EDIL3: variants seen among roughly 807,000 people sequenced by gnomAD.
The protein encoded by EDIL3 is EGF like and discoidin domains 3.
A neutral mutation model predicts 67.4 loss-of-function variants in EDIL3; 37 were observed. That is an observed-to-expected ratio of 0.55 (90% CI 0.42 to 0.72). The LOEUF is 0.72. Ranked by LOEUF, EDIL3 falls within the 30% of genes least tolerant of loss-of-function variation. The probability of loss-of-function intolerance (pLI) is 0.00; values close to 1 mark genes in which losing one functional copy is unlikely to be tolerated. For synonymous variants in EDIL3, 195 were observed against 196.3 expected (o/e 0.99, Z 0.05); for missense variants, 527 against 586.3 (o/e 0.90, Z 1.04).
At chr5:84,227,893 G>T (rs909015486) in intron 3 of EDIL3, among the ~76,000 whole-genome samples, 1 of 151,984 alleles carries the variant, frequency 6.6e-6, no homozygotes, top group Non-Finnish European at 1.5e-5. Flanking sequence ...ATGTAAACCT[G>T]GGAACAATAA....
intron 1 of EDIL3, among the ~76,000 whole-genome samples, chr5:84,344,860 G>T (rs1747205005): frequency 6.6e-6 from 1 of 151,958 alleles, no homozygotes; most frequent in Non-Finnish European, 1.5e-5. Context: ...CATGTACTCT[G>T]TCAAATGGTA....
At chr5:84,176,199 ATAT>A (rs1748903840) in intron 4 of EDIL3, among the ~76,000 whole-genome samples, 1 of 2,704 alleles carries the variant, frequency 3.7e-4, no homozygotes, top group African/African-American at 1.7e-3. Context: ...TATATATATA[ATAT>A]ATATATATAT....
chr5:84,314,012 A>G (rs1371977212), intron 1 of EDIL3, among the ~76,000 whole-genome samples: 1 of 152,058 alleles, frequency 6.6e-6, no homozygotes, highest in Non-Finnish European at 1.5e-5. Flanking sequence ...CCTGGACAAC[A>G]TGGCAAAACT....
chr5:84,224,526 AG>A (rs1441525818), intron 3 of EDIL3, among the ~76,000 whole-genome samples: 1 of 151,530 alleles, frequency 6.6e-6, no homozygotes, highest in African/African-American at 2.4e-5. Context: ...CTTAAATAAA[AG>A]CTAAATGAAA....
chr5:83,985,645 G>A lies in EDIL3; in HGVS notation c.1138-22285C>T, dbSNP rs192555786. ...TTCACAACTTACCTTTGTAAAATAA[G>A]TAAATTGGCCTTGATTTTATGTCTG... On this transcript the variant is annotated intron_variant, in intron 9 of 10. Coordinates refer to ENST00000296591, the MANE Select transcript of EDIL3 (RefSeq NM_005711.5). 3.1e-4 allele frequency among the ~76,000 whole-genome samples: 47 copies of A among 152,046 alleles called. No homozygotes were observed. The Middle Eastern group carries it at 0.01, about 33-fold the overall frequency.
rs73769731 is a variant in EDIL3, at chr5:84,121,546, T to G, written c.470-14716A>C. ...GTTCACTAACTTAGATCGATCTATC[T>G]ATCTATCTATCTATCTATCTATCTA... is the stretch of plus-strand genomic sequence containing the variant. On this transcript the variant is annotated intron_variant, in intron 5 of 10. Coordinates refer to ENST00000296591, the MANE Select transcript of EDIL3 (RefSeq NM_005711.5). Among the ~76,000 whole-genome samples the G allele has an allele frequency of 4.3e-3, 250 of 57,530 alleles. 2 individuals carry two copies. Among genetic ancestry groups the G allele is most frequent in the African/African-American group, 0.012 (220 of 18,052 alleles). The allele number at this position is 57,530 out of a possible 152,430, so 37.7% of individuals were successfully genotyped here. A position where few individuals can be genotyped will look rare whatever the true frequency, so the allele number is the denominator to read the frequency against.
intron 6 of EDIL3, among the ~76,000 whole-genome samples, chr5:84,101,203 A>T (rs994951435): frequency 2.4e-4 from 37 of 152,114 alleles, no homozygotes; most frequent in African/African-American, 8.9e-4. Flanking sequence ...AATACTGGTC[A>T]TAAAGAAATT....
chr5:83,948,973 C>G (rs549140859), intron 10 of EDIL3, among the ~76,000 whole-genome samples: 4 of 151,850 alleles, frequency 2.6e-5, no homozygotes, highest in Non-Finnish European at 4.4e-5. Context: ...AATAAGGAAA[C>G]AAGAAATTCA....
At chr5:84,162,173 T>G (rs956126396) in intron 4 of EDIL3, among the ~76,000 whole-genome samples, 4 of 152,096 alleles carry the variant, frequency 2.6e-5, no homozygotes, top group Non-Finnish European at 4.4e-5. Flanking sequence ...CAGACCATTC[T>G]GGGTTCTGGA....
At chr5:84,297,653 C>T (rs1746077531) in intron 1 of EDIL3, among the ~76,000 whole-genome samples, 1 of 152,132 alleles carries the variant, frequency 6.6e-6, no homozygotes, top group Non-Finnish European at 1.5e-5. Context: ...AGCCCCCGAG[C>T]TCTGGGAGCC....
chr5:84,267,065 TA>T (rs1745365916), intron 1 of EDIL3, among the ~76,000 whole-genome samples: 1 of 152,178 alleles, frequency 6.6e-6, no homozygotes, highest in Non-Finnish European at 1.5e-5. Context: ...CACAGAACAG[TA>T]AATGGTAAAG....
intron 4 of EDIL3, among the ~76,000 whole-genome samples, chr5:84,172,873 T>A (rs1405656953): frequency 6.6e-6 from 1 of 152,204 alleles, no homozygotes; most frequent in Non-Finnish European, 1.5e-5. Context: ...GCATGCTTTC[T>A]GCAGGCAGTG....
At chr5:83,970,846 T>C (rs1744779732) in intron 9 of EDIL3, among the ~76,000 whole-genome samples, 1 of 151,482 alleles carries the variant, frequency 6.6e-6, no homozygotes, top group African/African-American at 2.4e-5. Flanking sequence ...AGGTTTCTTG[T>C]ATTGCTTTGG....
At chr5:84,220,044 A>C (rs1479348078) in intron 3 of EDIL3, among the ~76,000 whole-genome samples, 1 of 152,136 alleles carries the variant, frequency 6.6e-6, no homozygotes, top group Non-Finnish European at 1.5e-5. Context: ...CTAAAGTTGG[A>C]TAGCACAGCA....
chr5:84,267,365 T>C (rs774210359), intron 1 of EDIL3, among the ~76,000 whole-genome samples: 4 of 152,234 alleles, frequency 2.6e-5, no homozygotes, highest in Non-Finnish European at 5.9e-5. Flanking sequence ...TTGCAGTTAT[T>C]AACATGGCTA....
In EDIL3 at chr5:83,942,545, CAT is replaced by C. The variant is rs1384402910; in HGVS notation, c.*872_*873del. 2 of 151,816 alleles carry C rather than the reference CAT, an allele frequency of 1.3e-5. No individual in the cohort carries two copies. Among genetic ancestry groups the C allele is most frequent in the Non-Finnish European group, 2.9e-5 (2 of 67,896 alleles). 9.4% of individuals were successfully genotyped at this position (151,816 alleles called of 1,614,324 possible). The stretch of plus-strand genomic sequence containing the variant: ...AAATGAAGATTTAAATTTAAAGAGA[CAT>C]ATATATTTTTTGTTCTTTTGTGCAA... On this transcript the variant is annotated 3_prime_UTR_variant, in exon 11 of 11. Transcript: ENST00000296591.
At chr5:84,047,447 T>A (rs1478976128) in intron 9 of EDIL3, among the ~76,000 whole-genome samples, 1 of 152,092 alleles carries the variant, frequency 6.6e-6, no homozygotes, top group Non-Finnish European at 1.5e-5. Flanking sequence ...TAAGTAGATG[T>A]GTTATTCATT....
At chr5:84,013,912 T>C (rs1745556686) in intron 9 of EDIL3, among the ~76,000 whole-genome samples, 1 of 152,182 alleles carries the variant, frequency 6.6e-6, no homozygotes, top group Admixed American at 6.6e-5. Flanking sequence ...TTATATCATA[T>C]AGATTGAATT....
intron 9 of EDIL3, among the ~76,000 whole-genome samples, chr5:83,979,466 A>T (rs1744928651): frequency 6.6e-6 from 1 of 152,152 alleles, no homozygotes; most frequent in Non-Finnish European, 1.5e-5. Context: ...ACTTATCTGT[A>T]GCATTACTGT....
Sources: gnomAD v4.1 joint callset for allele counts (sites outside exome capture counted in the v4.1 genomes callset) on GRCh38, gnomAD v4.1.1 for gene constraint, MANE v1.5 for transcripts, NCBI Gene and HGNC (gene_info 2026-07-23, HGNC 2026-07-21) for gene names.